Variants in ZFHX3 observed in about 807,000 individuals in gnomAD.
ZFHX3 encodes zinc finger homeobox 3, also known as zinc finger homeobox protein 3.
Under a neutral mutation model 279.1 loss-of-function variants are expected in ZFHX3, and 42 were observed. That is an observed-to-expected ratio of 0.15 (90% CI 0.12 to 0.19). The LOEUF (loss-of-function observed/expected upper bound fraction) is 0.19. ZFHX3 is among the 10% of genes least tolerant of loss of function. The probability of loss-of-function intolerance (pLI) is 1.00; values close to 1 mark genes in which losing one functional copy is unlikely to be tolerated. For missense variants in ZFHX3, 4,981 were observed against 4,754.0 expected (o/e 1.05, Z -1.40); for synonymous variants, 2,293 against 1,957.8 (o/e 1.17, Z -4.52).
chr16:73,517,428 A>G (rs879302487), intron 2 of ZFHX3, among the ~76,000 whole-genome samples: 5 of 152,194 alleles, frequency 3.3e-5, no homozygotes, highest in African/African-American at 4.8e-5. Context: ...GTCCCTTCTC[A>G]TTGACCTTTG....
At chr16:73,196,968 C>T (rs2144894659) in intron 5 of ZFHX3, among the ~76,000 whole-genome samples, 1 of 152,248 alleles carries the variant, frequency 6.6e-6, no homozygotes, top group East Asian at 1.9e-4. Flanking sequence ...CTAGTGTTTC[C>T]TGTTGGTAGC....
At chr16:73,647,023 T>A (rs1350140419) in intron 2 of ZFHX3, among the ~76,000 whole-genome samples, 1 of 32,644 alleles carries the variant, frequency 3.1e-5, no homozygotes, top group African/African-American at 4.8e-5. Context: ...CTTTTTTTTT[T>A]CTTTTTTTTT....
intron 5 of ZFHX3, among the ~76,000 whole-genome samples, chr16:73,156,231 CAAAAAAAAAAA>C (rs60993308): frequency 1.1e-5 from 1 of 88,504 alleles, no homozygotes; most frequent in South Asian, 4.4e-4. Context: ...GACTCCCTCT[CAAAAAAAAAAA>C]AAAAAAAAAG....
intron 7 of ZFHX3, among the ~76,000 whole-genome samples, chr16:73,123,907 C>T (rs1181481491): frequency 6.6e-6 from 1 of 152,030 alleles, no homozygotes; most frequent in African/African-American, 2.4e-5. Flanking sequence ...TCATGAGATA[C>T]CAAATTTGCC....
intron 1 of ZFHX3, among the ~76,000 whole-genome samples, chr16:73,709,500 G>A (rs542421390): frequency 6.6e-6 from 1 of 152,254 alleles, no homozygotes; most frequent in East Asian, 1.9e-4. Flanking sequence ...AACCTGGAGG[G>A]TATTATGCTG....
rs184108650 is a variant in ZFHX3 at position 73,726,786 on chromosome 16, T to C, written c.-1607-46546A>G. 3.3e-5 allele frequency among the ~76,000 whole-genome samples: 5 copies of C among 152,240 alleles called. No homozygotes were observed. The East Asian group carries it at 9.7e-4, about 29-fold the overall frequency. On this transcript the variant is annotated intron_variant, in intron 1 of 17. Coordinates refer to the ZFHX3 transcript ENST00000641206. ...TATCATGAGAACAGCACTCAAGCCA[T>C]GAGGGACCCACCTCCCACCAGGCCC...
intron 2 of ZFHX3, among the ~76,000 whole-genome samples, chr16:73,482,989 G>A (rs1279129646): frequency 6.6e-6 from 1 of 152,174 alleles, no homozygotes; most frequent in Non-Finnish European, 1.5e-5. Context: ...ACAACACATC[G>A]TTGCAAAAGA....
chr16:73,136,556 T>C (rs1966797772), intron 6 of ZFHX3, among the ~76,000 whole-genome samples: 1 of 151,182 alleles, frequency 6.6e-6, no homozygotes, highest in African/African-American at 2.4e-5. Context: ...AAACCTCGTC[T>C]CTACTAAAAA....
chr16:73,835,659 T>A (rs1961126104), intron 1 of ZFHX3, among the ~76,000 whole-genome samples: 1 of 151,750 alleles, frequency 6.6e-6, no homozygotes, highest in Non-Finnish European at 1.5e-5. Context: ...TTAGTAGAGA[T>A]GGGGTTTCAC....
At chr16:73,295,777 G>C (rs2014894059) in intron 4 of ZFHX3, among the ~76,000 whole-genome samples, 1 of 152,206 alleles carries the variant, frequency 6.6e-6, no homozygotes, top group Non-Finnish European at 1.5e-5. Flanking sequence ...AAGGGACTGG[G>C]GGGACAAGGG....
At chr16:73,474,856 T>A (rs2018738020) in intron 2 of ZFHX3, among the ~76,000 whole-genome samples, 1 of 152,168 alleles carries the variant, frequency 6.6e-6, no homozygotes, top group Non-Finnish European at 1.5e-5. Flanking sequence ...AGCCAGCGGG[T>A]AAGAGATGAG....
chr16:73,688,723 C>G (rs1017244118), intron 1 of ZFHX3, among the ~76,000 whole-genome samples: 1 of 152,180 alleles, frequency 6.6e-6, no homozygotes, highest in African/African-American at 2.4e-5. Flanking sequence ...CAAATCTCAT[C>G]TTGAATTGCA....
rs191916603 is a variant in ZFHX3 at position 73,020,399 on chromosome 16, T to A, written c.-50+27353A>T. ...ATACTTCTGATTTCTCACAAGAAAT[T>A]TCCCAACAAAAGCTCTCTGTCTTAG... On this transcript the variant is annotated intron_variant, in intron 1 of 9. Coordinates refer to ENST00000268489, the MANE Select transcript of ZFHX3 (RefSeq NM_006885.4). Among the ~76,000 whole-genome samples, 99 of 152,196 alleles carry A rather than the reference T, an allele frequency of 6.5e-4. 1 individual carries two copies. In the East Asian group the frequency reaches 0.016, roughly 25 times the overall value.
chr16:73,750,470 C>CCA (rs796970971), intron 1 of ZFHX3, among the ~76,000 whole-genome samples: 1 of 152,246 alleles, frequency 6.6e-6, no homozygotes, highest in African/African-American at 2.4e-5. Context: ...GCACACAATA[C>CCA]CACGCTATGT....
chr16:73,062,717 A>T (rs1177154407), upstream of ZFHX3, among the ~76,000 whole-genome samples: 4 of 69,964 alleles, frequency 5.7e-5, no homozygotes, highest in Non-Finnish European at 1.2e-4. Flanking sequence ...GGGACACAGA[A>T]GCAAAAAAAA....
At chr16:73,588,874 A>C (rs2051957464) in intron 2 of ZFHX3, among the ~76,000 whole-genome samples, 1 of 152,066 alleles carries the variant, frequency 6.6e-6, no homozygotes, top group South Asian at 2.1e-4. Context: ...GAGAACATGG[A>C]GAGGTCTAGA....
chr16:73,594,277 G>A (rs1161394910), intron 2 of ZFHX3, among the ~76,000 whole-genome samples: 1 of 151,860 alleles, frequency 6.6e-6, no homozygotes, highest in Non-Finnish European at 1.5e-5. Context: ...AATACATCTA[G>A]AAATAAATCT....
At chr16:72,984,118 A>G (rs1489500403) in intron 1 of ZFHX3, among the ~76,000 whole-genome samples, 2 of 152,162 alleles carry the variant, frequency 1.3e-5, no homozygotes, top group Non-Finnish European at 2.9e-5. Context: ...CCTTATCTGA[A>G]TAACCTGTCT....
chr16:72,850,652 G>A (rs947725282), intron 4 of ZFHX3, among the ~76,000 whole-genome samples: 3 of 62 alleles, frequency 0.048, no homozygotes, highest in African/African-American at 0.19. Context: ...AAGAGGCCGG[G>A]CTCGCCAGGC....
Sources: gnomAD v4.1 joint callset for allele counts (sites outside exome capture counted in the v4.1 genomes callset) on GRCh38, gnomAD v4.1.1 for gene constraint, MANE v1.5 for transcripts, NCBI Gene and HGNC (gene_info 2026-07-23, HGNC 2026-07-21) for gene names.